The following GTF2F2 variants were observed in gnomAD, a reference collection of about 807,000 sequenced individuals.
GTF2F2 encodes general transcription factor IIF subunit 2.
GTF2F2 carries 23 observed loss-of-function variants against 42.2 expected under a neutral mutation model. The ratio of observed to expected loss-of-function variants is 0.55; its 90% confidence interval spans 0.39 to 0.77. The LOEUF is 0.77. Among genes scored for constraint, GTF2F2 ranks in the 30% least tolerant of loss-of-function variants. The pLI is 0.00. For synonymous variants in GTF2F2, 105 were observed against 100.8 expected, an observed-to-expected ratio of 1.04 and a Z score of -0.25; for missense variants, 261 against 287.2, an observed-to-expected ratio of 0.91 and a Z score of 0.66.
chr13:45,124,058 C>G (rs562932054), intron 1 of GTF2F2: 18 of 1,096,650 alleles, frequency 1.6e-5, no homozygotes, highest in Non-Finnish European at 2.5e-5. Flanking sequence ...CACCCTGTTG[C>G]TGTAGCCAAA....
intron 5 of GTF2F2, among the ~76,000 whole-genome samples, chr13:45,230,736 G>C (rs746084639): frequency 1.6e-4 from 25 of 152,096 alleles, no homozygotes; most frequent in Non-Finnish European, 3.5e-4. Flanking sequence ...TTTGAACTAG[G>C]GTTTTTATTT....
intron 1 of GTF2F2, among the ~76,000 whole-genome samples, chr13:45,134,545 G>A (rs898916198): frequency 5.3e-5 from 8 of 152,140 alleles, no homozygotes; most frequent in African/African-American, 1.9e-4. Flanking sequence ...CTCTTTAAGT[G>A]GGTTTTCTGT....
chr13:45,156,831 A>T (rs893172120), intron 4 of GTF2F2, among the ~76,000 whole-genome samples: 7 of 152,158 alleles, frequency 4.6e-5, no homozygotes, highest in African/African-American at 1.7e-4. Context: ...TTCATTTTTC[A>T]TTATCTTTGA....
chr13:45,145,322 TAGAG>T (rs1870138842), intron 2 of GTF2F2, among the ~76,000 whole-genome samples: 2 of 152,218 alleles, frequency 1.3e-5, no homozygotes, highest in Non-Finnish European at 2.9e-5. Flanking sequence ...TTTTTTGACA[TAGAG>T]AGATGTTTTA....
intron 1 of GTF2F2, among the ~76,000 whole-genome samples, chr13:45,131,630 G>C (rs746707100): frequency 1.3e-5 from 2 of 152,072 alleles, no homozygotes; most frequent in Non-Finnish European, 2.9e-5. Flanking sequence ...AGAGGACCAG[G>C]CACGGTGGCT....
chr13:45,242,400 C>G (rs1875361779), intron 5 of GTF2F2, among the ~76,000 whole-genome samples: 1 of 151,918 alleles, frequency 6.6e-6, no homozygotes, highest in Middle Eastern at 3.4e-3. Context: ...AAATGTCAGC[C>G]TCCGTCTCCC....
rs11393681 is a variant in GTF2F2 at position 45,272,424 on chromosome 13, T to TAAAA, written c.630+5061_630+5064dup. On this transcript the variant is annotated intron_variant, in intron 7 of 7. Transcript: ENST00000340473. ...TTTATATGGTTTTGTTTTGGCTCTT[T>TAAAA]AAAAAAAAAAAAAAAACAAAAAAAA... 7.1e-3 allele frequency among the ~76,000 whole-genome samples: 703 copies of TAAAA among 99,562 alleles called. 16 individuals are homozygous for TAAAA. Among genetic ancestry groups the TAAAA allele is most frequent in the African/African-American group, 0.023 (645 of 28,362 alleles). The allele number at this position is 99,562 out of a possible 152,430, so 65.3% of individuals were successfully genotyped here.
intron 5 of GTF2F2, among the ~76,000 whole-genome samples, chr13:45,218,447 C>T (rs1190373303): frequency 2.6e-5 from 4 of 152,160 alleles, no homozygotes; most frequent in African/African-American, 7.2e-5. Context: ...AAAATTGACA[C>T]GATAATTGCC....
At chr13:45,229,267 T>A (rs1874544288) in intron 5 of GTF2F2, among the ~76,000 whole-genome samples, 2 of 152,060 alleles carry the variant, frequency 1.3e-5, no homozygotes. Context: ...ACACCCTTCC[T>A]GAAATTTACC....
intron 4 of GTF2F2, among the ~76,000 whole-genome samples, chr13:45,172,417 A>G (rs774959982): frequency 2.0e-5 from 3 of 152,132 alleles, no homozygotes; most frequent in Non-Finnish European, 2.9e-5. Context: ...TTGAGTTGTA[A>G]GAGTTCAATA....
intron 4 of GTF2F2, among the ~76,000 whole-genome samples, chr13:45,204,645 G>A (rs1873344189): frequency 1.3e-5 from 2 of 152,150 alleles, no homozygotes; most frequent in African/African-American, 4.8e-5. Flanking sequence ...GTTCCTATGA[G>A]GCTTTAAAAA....
intron 4 of GTF2F2, among the ~76,000 whole-genome samples, chr13:45,174,963 TA>T (rs1355613937): frequency 6.6e-6 from 1 of 152,244 alleles, no homozygotes; most frequent in Non-Finnish European, 1.5e-5. Context: ...TTGGGAATAT[TA>T]AAAATCTTAC....
chr13:45,191,232 T>A (rs1474448174), intron 4 of GTF2F2, among the ~76,000 whole-genome samples: 1,118 of 109,768 alleles, frequency 0.01, 82 homozygotes, highest in African/African-American at 0.034. Flanking sequence ...AAAATATATA[T>A]ATATATATAT....
chr13:45,145,244 G>A (rs911475360), intron 2 of GTF2F2, among the ~76,000 whole-genome samples: 1 of 152,134 alleles, frequency 6.6e-6, no homozygotes, highest in Non-Finnish European at 1.5e-5. Context: ...TAATATATGA[G>A]GATAAATTAA....
chr13:45,245,666 A>AATATAT (rs372488927), intron 5 of GTF2F2, among the ~76,000 whole-genome samples: 1,352 of 110,574 alleles, frequency 0.012, 13 homozygotes, highest in Middle Eastern at 0.036. Flanking sequence ...CCATGGTGTG[A>AATATAT]ATATATATAT....
chr13:45,247,743 A>T (rs1248496696), intron 5 of GTF2F2, among the ~76,000 whole-genome samples: 2 of 152,090 alleles, frequency 1.3e-5, no homozygotes, highest in Admixed American at 6.5e-5. Context: ...TCAGGCAAAT[A>T]ATTTAGGGAC....
At chr13:45,226,559 A>T (rs893892485) in intron 5 of GTF2F2, among the ~76,000 whole-genome samples, 16 of 152,134 alleles carry the variant, frequency 1.1e-4, no homozygotes, top group African/African-American at 3.9e-4. Flanking sequence ...TTAGAATATT[A>T]TATTCCCCAT....
intron 2 of GTF2F2, among the ~76,000 whole-genome samples, chr13:45,148,158 C>G (rs912167262): frequency 6.6e-6 from 1 of 152,162 alleles, no homozygotes; most frequent in Non-Finnish European, 1.5e-5. Context: ...TGGAACCAAA[C>G]TGAACGTTAT....
intron 4 of GTF2F2, among the ~76,000 whole-genome samples, chr13:45,179,149 G>T (rs567615815): frequency 6.6e-6 from 1 of 152,270 alleles, no homozygotes; most frequent in African/African-American, 2.4e-5. Context: ...CACAGGACCT[G>T]CTCAGATTCA....
Sources: gnomAD v4.1 joint callset for allele counts (sites outside exome capture counted in the v4.1 genomes callset) on GRCh38, gnomAD v4.1.1 for gene constraint, MANE v1.5 for transcripts, NCBI Gene and HGNC (gene_info 2026-07-23, HGNC 2026-07-21) for gene names.